The following NAALADL2 variants were observed in gnomAD, a reference collection of about 807,000 sequenced individuals.
NAALADL2 encodes N-acetylated alpha-linked acidic dipeptidase like 2.
In NAALADL2, 76 loss-of-function variants were observed where a neutral mutation model predicts 87.2. That is an observed-to-expected ratio of 0.87 (90% CI 0.72 to 1.05). NAALADL2 has a LOEUF of 1.05. NAALADL2 is among the 50% of genes least tolerant of loss of function. The pLI, the probability that NAALADL2 is intolerant of heterozygous loss-of-function variation, is 0.00. For missense variants in NAALADL2, 1,089 were observed against 945.8 expected (o/e 1.15, Z -1.99); for synonymous variants, 354 against 331.0 (o/e 1.07, Z -0.75).
intron 3 of NAALADL2, among the ~76,000 whole-genome samples, chr3:174,849,622 C>T (rs367556841): frequency 7.3e-5 from 11 of 151,220 alleles, no homozygotes; most frequent in African/African-American, 2.7e-4. Context: ...GTAATCCCAG[C>T]CACTTGGGAG....
intron 13 of NAALADL2, among the ~76,000 whole-genome samples, chr3:175,796,130 GGAGAGA>G (rs145875116): frequency 6.7e-6 from 1 of 149,178 alleles, no homozygotes; most frequent in African/African-American, 2.5e-5. Context: ...TGGGGGGTTG[GGAGAGA>G]GAGAGAGAAG....
intron 3 of NAALADL2, among the ~76,000 whole-genome samples, chr3:174,798,006 G>T (rs1220652643): frequency 6.8e-6 from 1 of 147,672 alleles, no homozygotes; most frequent in Non-Finnish European, 1.5e-5. Context: ...ATTTATGTCT[G>T]TGATCTATAA....
chr3:175,797,351 T>C (rs1394425286), intron 13 of NAALADL2, among the ~76,000 whole-genome samples: 1 of 152,188 alleles, frequency 6.6e-6, no homozygotes, highest in Non-Finnish European at 1.5e-5. Context: ...CTGATGTCTC[T>C]ACATGCCATT....
intron 2 of NAALADL2, among the ~76,000 whole-genome samples, chr3:175,109,438 A>T (rs1049754741): frequency 1.3e-5 from 2 of 151,820 alleles, no homozygotes; most frequent in Non-Finnish European, 2.9e-5. Context: ...ACCTGCATTT[A>T]TGGTGTTTAT....
Position 174,797,184 on chromosome 3 carries a change from A to T in NAALADL2, c.-9+59438A>T, listed in dbSNP as rs536144642. ...TCATTCTTCTGCATTTGGCAATCGA[A>T]TTTTCCCAGCACCATCTATTGAAAA... On this transcript the variant is annotated intron_variant, in intron 3 of 3. Transcript: ENST00000434257. 6.2e-4 allele frequency among the ~76,000 whole-genome samples: 93 copies of T among 151,212 alleles called. 1 individual carries two copies. The South Asian group carries it at 0.018, about 29-fold the overall frequency.
intron 2 of NAALADL2, among the ~76,000 whole-genome samples, chr3:175,116,503 ATACC>A (rs1449403331): frequency 6.6e-6 from 1 of 152,100 alleles, no homozygotes; most frequent in Non-Finnish European, 1.5e-5. Context: ...AGAGAATAAA[ATACC>A]TAGGAATCCA....
chr3:174,525,563 A>G (rs146409073), intron 1 of NAALADL2, among the ~76,000 whole-genome samples: 2,751 of 152,314 alleles, frequency 0.018, 90 homozygotes, highest in African/African-American at 0.063. Context: ...CCCCCCAACC[A>G]GGTCCCACCT....
chr3:175,155,407 A>G (rs927906709), intron 2 of NAALADL2, among the ~76,000 whole-genome samples: 1 of 152,156 alleles, frequency 6.6e-6, no homozygotes, highest in Non-Finnish European at 1.5e-5. Context: ...AATCAAAGTG[A>G]CAAAAACCAA....
At chr3:174,611,174 G>C (rs1442644759) in intron 2 of NAALADL2, among the ~76,000 whole-genome samples, 1 of 136,820 alleles carries the variant, frequency 7.3e-6, no homozygotes, top group African/African-American at 2.7e-5. Flanking sequence ...GTGAGGTGGG[G>C]GGAGGGGGGA....
intron 2 of NAALADL2, among the ~76,000 whole-genome samples, chr3:174,557,185 G>T (rs937496476): frequency 6.6e-6 from 1 of 150,846 alleles, no homozygotes; most frequent in Non-Finnish European, 1.5e-5. Flanking sequence ...ATTCTGTTTC[G>T]GCCTTTTTAC....
chr3:175,005,328 C>T (rs75254678), intron 1 of NAALADL2, among the ~76,000 whole-genome samples: 9,110 of 152,210 alleles, frequency 0.06, 879 homozygotes, highest in African/African-American at 0.21. Flanking sequence ...CCAGTGCAAA[C>T]AGCACCTCAC....
chr3:174,802,515 G>T (rs1718961148), intron 3 of NAALADL2, among the ~76,000 whole-genome samples: 1 of 151,998 alleles, frequency 6.6e-6, no homozygotes, highest in East Asian at 1.9e-4. Flanking sequence ...TAAGTTCTAG[G>T]GTACATGTGC....
intron 1 of NAALADL2, among the ~76,000 whole-genome samples, chr3:174,938,233 G>A (rs1738009062): frequency 1.3e-5 from 2 of 151,910 alleles, no homozygotes; most frequent in Non-Finnish European, 2.9e-5. Context: ...GTATTCATGA[G>A]TTCTCTTCAT....
chr3:175,595,200 C>T (rs1043972697), intron 10 of NAALADL2, among the ~76,000 whole-genome samples: 12 of 152,096 alleles, frequency 7.9e-5, no homozygotes, highest in Admixed American at 2.0e-4. Flanking sequence ...GGTCCAGTTT[C>T]ATTATTCTGC....
At chr3:174,827,834 C>G (rs974705672) in intron 3 of NAALADL2, among the ~76,000 whole-genome samples, 1 of 152,050 alleles carries the variant, frequency 6.6e-6, no homozygotes, top group African/African-American at 2.4e-5. Flanking sequence ...TTTTATATTC[C>G]AAAGCTTTTC....
intron 2 of NAALADL2, among the ~76,000 whole-genome samples, chr3:175,213,250 T>A (rs769118839): frequency 2.2e-4 from 33 of 152,026 alleles, no homozygotes; most frequent in Non-Finnish European, 4.0e-4. Context: ...GTAGATCAGA[T>A]TAGCAATGAA....
At chr3:174,978,396 G>A (rs1744650308) in intron 1 of NAALADL2, among the ~76,000 whole-genome samples, 1 of 152,172 alleles carries the variant, frequency 6.6e-6, no homozygotes, top group African/African-American at 2.4e-5. Context: ...CTCAACAGAA[G>A]CATAATAATT....
At chr3:175,424,958 A>G (rs1560529786) in intron 5 of NAALADL2, among the ~76,000 whole-genome samples, 1 of 152,182 alleles carries the variant, frequency 6.6e-6, no homozygotes, top group Non-Finnish European at 1.5e-5. Flanking sequence ...CTTACGTACT[A>G]TACAGCCAAT....
At chr3:175,781,384 C>G (rs1003513419) in intron 13 of NAALADL2, among the ~76,000 whole-genome samples, 2 of 151,938 alleles carry the variant, frequency 1.3e-5, no homozygotes, top group Non-Finnish European at 2.9e-5. Context: ...TGCCTGGTAA[C>G]ATAAAGAACA....
Sources: allele counts gnomAD v4.1 joint callset (sites outside exome capture counted in the v4.1 genomes callset), GRCh38; gene constraint gnomAD v4.1.1; transcripts MANE v1.5; gene names NCBI Gene and HGNC (gene_info 2026-07-23, HGNC 2026-07-21).